Variants in KCNIP4 observed in about 807,000 individuals in gnomAD.
KCNIP4 encodes potassium voltage-gated channel interacting protein 4, also known as Kv channel-interacting protein 4.
KCNIP4 carries 12 observed loss-of-function variants against 34.0 expected under a neutral mutation model. The ratio of observed to expected loss-of-function variants is 0.35; its 90% CI spans 0.23 to 0.57. KCNIP4 has a LOEUF of 0.57. KCNIP4 is among the 20% of genes least tolerant of loss of function. The pLI is 0.83. For missense variants in KCNIP4, 238 were observed against 311.7 expected, an observed-to-expected ratio of 0.76 and a Z score of 1.78; for synonymous variants, 124 against 102.2, an observed-to-expected ratio of 1.21 and a Z score of -1.29.
chr4:21,107,644 G>T (rs1406976703), intron 1 of KCNIP4, among the ~76,000 whole-genome samples: 5 of 150,944 alleles, frequency 3.3e-5, no homozygotes, highest in Non-Finnish European at 7.4e-5. Flanking sequence ...CTGTCATTAA[G>T]ATGTTAGCTG....
At chr4:21,314,440 G>A (rs1402377165) in intron 1 of KCNIP4, among the ~76,000 whole-genome samples, 1 of 152,194 alleles carries the variant, frequency 6.6e-6, no homozygotes, top group East Asian at 1.9e-4. Flanking sequence ...GTACATCAGG[G>A]TCATTTTAGG....
chr4:21,871,038 T>C (rs1214074800), intron 1 of KCNIP4, among the ~76,000 whole-genome samples: 1 of 151,008 alleles, frequency 6.6e-6, no homozygotes, highest in Non-Finnish European at 1.5e-5. Flanking sequence ...TCTCCTTGAC[T>C]AAATTTTAAT....
chr4:20,987,083 C>T (rs2149700235), intron 1 of KCNIP4, among the ~76,000 whole-genome samples: 1 of 152,244 alleles, frequency 6.6e-6, no homozygotes, highest in South Asian at 2.1e-4. Flanking sequence ...TCTAGGGAAG[C>T]AGGGGACATC....
At chr4:20,941,543 ATGAT>A (rs1049995737) in intron 1 of KCNIP4, among the ~76,000 whole-genome samples, 23 of 152,120 alleles carry the variant, frequency 1.5e-4, no homozygotes, top group African/African-American at 4.8e-4. Flanking sequence ...TCTCATTATG[ATGAT>A]TGATTATTTA....
At chr4:21,673,458 T>C (rs1749656058) in intron 1 of KCNIP4, among the ~76,000 whole-genome samples, 3 of 152,180 alleles carry the variant, frequency 2.0e-5, no homozygotes. Context: ...TGCTTAATTA[T>C]GATGGCAGAA....
At chr4:21,291,621 G>A (rs1356157126) in intron 1 of KCNIP4, among the ~76,000 whole-genome samples, 3 of 151,750 alleles carry the variant, frequency 2.0e-5, no homozygotes, top group East Asian at 1.9e-4. Context: ...AGGCCGAGGC[G>A]GGTGGATCAT....
intron 1 of KCNIP4, among the ~76,000 whole-genome samples, chr4:21,637,889 A>G (rs1402018612): frequency 1.3e-5 from 2 of 151,984 alleles, no homozygotes; most frequent in African/African-American, 4.8e-5. Flanking sequence ...TCAAACTGAG[A>G]GTGTTTGACA....
At chr4:21,079,406 A>G (rs1745806554) in intron 1 of KCNIP4, among the ~76,000 whole-genome samples, 1 of 152,116 alleles carries the variant, frequency 6.6e-6, no homozygotes, top group Non-Finnish European at 1.5e-5. Context: ...TTTTAGAGAG[A>G]TTTAGAGATA....
chr4:21,650,577 T>C (rs1747410138), intron 1 of KCNIP4, among the ~76,000 whole-genome samples: 1 of 152,040 alleles, frequency 6.6e-6, no homozygotes, highest in Non-Finnish European at 1.5e-5. Context: ...GAAAGAGGGG[T>C]CAGACATTTG....
At chr4:21,345,124 A>C (rs989849885) in intron 1 of KCNIP4, among the ~76,000 whole-genome samples, 10 of 152,122 alleles carry the variant, frequency 6.6e-5, no homozygotes, top group African/African-American at 2.4e-4. Context: ...AGGTTATAAA[A>C]AGACTGTGGC....
intron 1 of KCNIP4, among the ~76,000 whole-genome samples, chr4:21,673,815 T>C (rs1048244023): frequency 6.6e-6 from 1 of 152,192 alleles, no homozygotes; most frequent in Non-Finnish European, 1.5e-5. Flanking sequence ...GATTTCAGGA[T>C]AAGTATTAAA....
At chr4:21,595,072 A>G (rs992683015) in intron 1 of KCNIP4, among the ~76,000 whole-genome samples, 11 of 152,086 alleles carry the variant, frequency 7.2e-5, no homozygotes, top group Non-Finnish European at 1.5e-4. Context: ...TACTGCACCC[A>G]TCAACCTGTC....
chr4:20,778,458 T>C (rs1438322839), intron 3 of KCNIP4, among the ~76,000 whole-genome samples: 1 of 152,180 alleles, frequency 6.6e-6, no homozygotes, highest in African/African-American at 2.4e-5. Flanking sequence ...GAAATGTAGT[T>C]TTGACACACA....
intron 1 of KCNIP4, among the ~76,000 whole-genome samples, chr4:21,300,924 A>G (rs1247731046): frequency 1.3e-5 from 2 of 152,202 alleles, no homozygotes; most frequent in Non-Finnish European, 2.9e-5. Context: ...AGAAAACTAG[A>G]GAGGTAAAGT....
intron 3 of KCNIP4, among the ~76,000 whole-genome samples, chr4:20,791,169 C>T (rs1402087960): frequency 6.6e-6 from 1 of 151,968 alleles, no homozygotes; most frequent in Non-Finnish European, 1.5e-5. Context: ...TTTCCAAATA[C>T]TGAAAGAATA....
chr4:20,904,501 T>C (rs536695744), intron 1 of KCNIP4, among the ~76,000 whole-genome samples: 9 of 151,934 alleles, frequency 5.9e-5, no homozygotes, highest in Non-Finnish European at 1.3e-4. Context: ...TTCCACACTA[T>C]CTCTCTTTTT....
intron 1 of KCNIP4, among the ~76,000 whole-genome samples, chr4:21,353,417 G>A (rs1718225504): frequency 6.6e-6 from 1 of 152,124 alleles, no homozygotes; most frequent in East Asian, 1.9e-4. Context: ...TTAGATGAAT[G>A]GCTAACTAGA....
intron 1 of KCNIP4, among the ~76,000 whole-genome samples, chr4:21,388,373 T>C (rs1194171970): frequency 6.6e-6 from 1 of 151,830 alleles, no homozygotes; most frequent in Non-Finnish European, 1.5e-5. Context: ...ACATAAGAAG[T>C]GTCCCTATTT....
intron 1 of KCNIP4, among the ~76,000 whole-genome samples, chr4:21,049,794 T>G (rs1049759709): frequency 6.6e-6 from 1 of 152,214 alleles, no homozygotes; most frequent in Admixed American, 6.5e-5. Context: ...CCACTCCAGG[T>G]GGCAATTTGA....
Sources: allele counts gnomAD v4.1 joint callset (sites outside exome capture counted in the v4.1 genomes callset), GRCh38; gene constraint gnomAD v4.1.1; transcripts MANE v1.5; gene names NCBI Gene and HGNC (gene_info 2026-07-23, HGNC 2026-07-21).